KSR2: variants seen among roughly 807,000 people sequenced by gnomAD.
KSR2 encodes the protein kinase suppressor of ras 2.
In KSR2, 25 loss-of-function variants were observed where a neutral mutation model predicts 107.8. The observed-to-expected ratio is 0.23, with a 90% CI of 0.17 to 0.32. KSR2 has a LOEUF of 0.32. KSR2 is among the 10% of genes least tolerant of loss of function. KSR2 has a pLI of 1.00. For missense variants in KSR2, 887 were observed against 1,268.9 expected (o/e 0.70, Z 4.57); for synonymous variants, 480 against 507.0 (o/e 0.95, Z 0.71).
intron 3 of KSR2, among the ~76,000 whole-genome samples, chr12:117,810,653 T>C (rs1258880725): frequency 1.3e-5 from 2 of 152,182 alleles, no homozygotes; most frequent in Non-Finnish European, 2.9e-5. Flanking sequence ...GGCAATTAAA[T>C]TATCATTTCT....
At chr12:117,661,337 T>C (rs1884424091) in intron 5 of KSR2, among the ~76,000 whole-genome samples, 1 of 152,150 alleles carries the variant, frequency 6.6e-6, no homozygotes, top group Admixed American at 6.6e-5. Flanking sequence ...GAGATGAAAG[T>C]ACTGACTCAA....
chr12:117,794,645 CACTCA>C (rs1890551329), intron 3 of KSR2, among the ~76,000 whole-genome samples: 1 of 150,052 alleles, frequency 6.7e-6, no homozygotes, highest in Non-Finnish European at 1.5e-5. Flanking sequence ...CCAATATGCA[CACTCA>C]AAACACTCAC....
chr12:117,850,635 C>CT (rs1423867350), intron 3 of KSR2, among the ~76,000 whole-genome samples: 1 of 152,046 alleles, frequency 6.6e-6, no homozygotes, highest in African/African-American at 2.4e-5. Context: ...TGACAAAACT[C>CT]TATCTCTACA....
At chr12:117,922,108 C>T (rs1895363793) in intron 1 of KSR2, among the ~76,000 whole-genome samples, 2 of 152,154 alleles carry the variant, frequency 1.3e-5, no homozygotes, top group Non-Finnish European at 2.9e-5. Flanking sequence ...AGGTTGGCTT[C>T]TCTGCAGGCG....
intron 3 of KSR2, among the ~76,000 whole-genome samples, chr12:117,853,246 TAGG>T (rs1182759948): frequency 6.6e-6 from 1 of 152,148 alleles, no homozygotes; most frequent in Non-Finnish European, 1.5e-5. Context: ...TTTCCAAAAA[TAGG>T]AGATTGGTTG....
chr12:117,530,869 G>A, intron 12 of KSR2, 72 bp downstream of exon 12: 1 of 1,315,534 alleles, frequency 7.6e-7, no homozygotes, highest in Non-Finnish European at 1.1e-6. Flanking sequence ...AAGAAGATAG[G>A]GAACCTGAGT....
intron 4 of KSR2, among the ~76,000 whole-genome samples, chr12:117,685,949 A>G (rs1885554267): frequency 6.6e-6 from 1 of 152,206 alleles, no homozygotes; most frequent in South Asian, 2.1e-4. Flanking sequence ...TTTTTGCTTC[A>G]GGTACCTTGG....
At chr12:117,763,075 G>A (rs1889104455) in intron 3 of KSR2, among the ~76,000 whole-genome samples, 1 of 151,246 alleles carries the variant, frequency 6.6e-6, no homozygotes, top group Non-Finnish European at 1.5e-5. Flanking sequence ...AGAGTGTGAT[G>A]TTCCCCTTCC....
chr12:117,884,897 T>C (rs11834187), intron 1 of KSR2, among the ~76,000 whole-genome samples: 182 of 152,194 alleles, frequency 1.2e-3, no homozygotes, highest in African/African-American at 3.8e-3. Flanking sequence ...CAGCAACAAA[T>C]GGATTAGAAA....
chr12:117,667,339 G>T, intron 5 of KSR2, 135 bp downstream of exon 5: 2 of 838,386 alleles, frequency 2.4e-6, no homozygotes, highest in Non-Finnish European at 1.9e-6. Context: ...GATGGGTGAA[G>T]CTCTACAGTG....
chr12:117,934,366 T>G (rs1191693822), intron 1 of KSR2, among the ~76,000 whole-genome samples: 1 of 152,058 alleles, frequency 6.6e-6, no homozygotes, highest in Non-Finnish European at 1.5e-5. Flanking sequence ...CAGAAATTTG[T>G]TGGAGCCACT....
intron 1 of KSR2, among the ~76,000 whole-genome samples, chr12:117,924,466 G>A (rs1325593403): frequency 6.6e-6 from 1 of 150,526 alleles, no homozygotes; most frequent in African/African-American, 2.4e-5. Context: ...CAGCTACTCA[G>A]GAGGCTGAGG....
chr12:117,556,808 G>A (rs566771294), intron 8 of KSR2, among the ~76,000 whole-genome samples: 1 of 152,176 alleles, frequency 6.6e-6, no homozygotes, highest in Non-Finnish European at 1.5e-5. Flanking sequence ...CCCTATAGAT[G>A]AGGGGCTTGC....
intron 5 of KSR2, among the ~76,000 whole-genome samples, chr12:117,620,557 G>A (rs936903066): frequency 2.0e-5 from 3 of 152,186 alleles, no homozygotes; most frequent in Non-Finnish European, 4.4e-5. Context: ...CAAATAGTTT[G>A]TGAGTTTACC....
intron 1 of KSR2, among the ~76,000 whole-genome samples, chr12:117,924,392 C>G (rs1461009011): frequency 6.7e-6 from 1 of 148,428 alleles, no homozygotes; most frequent in South Asian, 2.1e-4. Flanking sequence ...ATGGTGAAAC[C>G]CCGTCTCTAC....
chr12:117,582,240 C>A (rs12369419), intron 6 of KSR2, 50 bp downstream of exon 6: 26 of 1,524,912 alleles, frequency 1.7e-5, no homozygotes, highest in Non-Finnish European at 2.2e-5. Flanking sequence ...AGCCCCCACC[C>A]CTCACAGAGC....
intron 7 of KSR2, among the ~76,000 whole-genome samples, chr12:117,567,659 C>T (rs1294028693): frequency 2.0e-5 from 2 of 99,830 alleles, no homozygotes; most frequent in Non-Finnish European, 2.0e-5. Flanking sequence ...GAAGGCTTCT[C>T]GCAAAAAAAA....
At chr12:117,571,682 C>T (rs1263321408) in intron 7 of KSR2, among the ~76,000 whole-genome samples, 1 of 152,154 alleles carries the variant, frequency 6.6e-6, no homozygotes, top group East Asian at 1.9e-4. Context: ...GGAGTGAGCG[C>T]TCCTTGGTCC....
At chr12:117,756,820 T>C (rs1888808958) in intron 4 of KSR2, among the ~76,000 whole-genome samples, 1 of 152,182 alleles carries the variant, frequency 6.6e-6, no homozygotes, top group Non-Finnish European at 1.5e-5. Flanking sequence ...TTTGGGAGGC[T>C]GAGGTGGGTG....
Sources: allele counts gnomAD v4.1 joint callset (sites outside exome capture counted in the v4.1 genomes callset), GRCh38; gene constraint gnomAD v4.1.1; transcripts MANE v1.5; gene names NCBI Gene and HGNC (gene_info 2026-07-23, HGNC 2026-07-21).